The following NINJ2 variants were observed in gnomAD, a reference collection of about 807,000 sequenced individuals.
The protein encoded by NINJ2 is ninjurin-2.
Under a neutral mutation model 11.7 loss-of-function variants are expected in NINJ2, and 12 were observed. The observed-to-expected ratio is 1.02, with a 90% confidence interval of 0.66 to 1.66. The LOEUF (loss-of-function observed/expected upper bound fraction) is 1.66. NINJ2 is among the 40% of genes most tolerant of loss of function. The pLI, the probability that NINJ2 is intolerant of heterozygous loss-of-function variation, is 0.00. For missense variants in NINJ2, 187 were observed against 181.8 expected (o/e 1.03, Z -0.16); for synonymous variants, 93 against 76.8 (o/e 1.21, Z -1.10).
intron 1 of NINJ2, among the ~76,000 whole-genome samples, chr12:593,513 G>A (rs774350690): frequency 3.3e-5 from 5 of 152,108 alleles, no homozygotes; most frequent in Non-Finnish European, 5.9e-5. Context: ...AGCCCAGGAG[G>A]TTGAGACTAG....
intron 1 of NINJ2, among the ~76,000 whole-genome samples, chr12:610,144 A>G (rs1273026110): frequency 6.6e-6 from 1 of 152,146 alleles, no homozygotes; most frequent in African/African-American, 2.4e-5. Context: ...CTAACTTTGC[A>G]GAGTCATTTC....
At chr12:599,180 G>C (rs904800175) in intron 1 of NINJ2, among the ~76,000 whole-genome samples, 2 of 151,770 alleles carry the variant, frequency 1.3e-5, no homozygotes, top group African/African-American at 4.8e-5. Context: ...TCAGGAGTTC[G>C]AGACCAGCTT....
At chr12:638,591 A>G (rs776073024) in intron 1 of NINJ2, among the ~76,000 whole-genome samples, 18 of 151,992 alleles carry the variant, frequency 1.2e-4, no homozygotes, top group Non-Finnish European at 2.1e-4. Flanking sequence ...AATTTTTTGT[A>G]TTTTTAGTAG....
chr12:575,777 G>A (rs181190828), intron 1 of NINJ2, among the ~76,000 whole-genome samples: 2 of 152,340 alleles, frequency 1.3e-5, no homozygotes, highest in Admixed American at 6.5e-5. Flanking sequence ...CTTTAAGGGT[G>A]GGGCTTCAGG....
rs141499848 is a variant in NINJ2, at chr12:619,691, A to G, written c.33+43637T>C. ...TTCTTGGTAAGCTGTGGCTGGGTTT[A>G]GAATGATTCCTTGGGAAAAGGGGTA... On this transcript the variant is annotated intron_variant, in intron 1 of 3. Coordinates refer to ENST00000305108, the MANE Select transcript of NINJ2 (RefSeq NM_016533.6). Among the ~76,000 whole-genome samples the G allele has an allele frequency of 5.9e-3, 896 of 152,298 alleles. 2 individuals are homozygous for G. Among genetic ancestry groups the G allele is most frequent in the Non-Finnish European group, 9.2e-3 (624 of 68,014 alleles).
intron 1 of NINJ2, among the ~76,000 whole-genome samples, 178 bp from the exon 2 acceptor site, chr12:566,356 G>C (rs1014311952): frequency 6.6e-6 from 1 of 152,166 alleles, no homozygotes. Context: ...AAACCCATAA[G>C]GACCTCTGCA....
chr12:612,852 T>C (rs1184080187), intron 1 of NINJ2, among the ~76,000 whole-genome samples: 2 of 152,176 alleles, frequency 1.3e-5, no homozygotes, highest in African/African-American at 4.8e-5. Flanking sequence ...CACCGGGTCC[T>C]CTCCGTCACT....
At chr12:604,414 G>T (rs1947911232) in intron 1 of NINJ2, among the ~76,000 whole-genome samples, 1 of 152,138 alleles carries the variant, frequency 6.6e-6, no homozygotes, top group Non-Finnish European at 1.5e-5. Context: ...GAGGCGGGCG[G>T]ATCACTTGAG....
intron 1 of NINJ2, among the ~76,000 whole-genome samples, chr12:586,695 C>T: frequency 6.6e-6 from 1 of 152,230 alleles, no homozygotes; most frequent in East Asian, 1.9e-4. Flanking sequence ...GGGACCTCTC[C>T]AAGGCAACAG....
intron 1 of NINJ2, among the ~76,000 whole-genome samples, chr12:651,558 A>C (rs1592118806): frequency 6.6e-6 from 1 of 152,236 alleles, no homozygotes; most frequent in East Asian, 1.9e-4. Flanking sequence ...TCAAGAAAAA[A>C]TTACAAGGCA....
chr12:607,070 T>C (rs1947950380), intron 1 of NINJ2, among the ~76,000 whole-genome samples: 1 of 152,196 alleles, frequency 6.6e-6, no homozygotes, highest in African/African-American at 2.4e-5. Flanking sequence ...CTTATTTAAC[T>C]AGTTCACATT....
Sources: gnomAD v4.1 joint callset for allele counts (sites outside exome capture counted in the v4.1 genomes callset) on GRCh38, gnomAD v4.1.1 for gene constraint, MANE v1.5 for transcripts, NCBI Gene and HGNC (gene_info 2026-07-23, HGNC 2026-07-21) for gene names.